Variants in ANK3 observed in about 807,000 individuals in gnomAD.
The protein encoded by ANK3 is ankyrin 3.
In ANK3, 57 loss-of-function variants were observed where a neutral mutation model predicts 370.9. That is an observed-to-expected ratio of 0.15 (90% CI 0.12 to 0.19). The LOEUF (loss-of-function observed/expected upper bound fraction) is 0.19, where lower values mean the gene tolerates loss of function less well. Ranked by LOEUF, ANK3 falls within the 10% of genes least tolerant of loss-of-function variation. The pLI, the probability that ANK3 is intolerant of heterozygous loss-of-function variation, is 1.00. For missense variants in ANK3, 4,439 were observed against 5,302.1 expected, an observed-to-expected ratio of 0.84 and a Z score of 5.06; for synonymous variants, 1,929 against 1,946.3, an observed-to-expected ratio of 0.99 and a Z score of 0.23.
At chr10:60,411,158 G>C (rs1231905067) in intron 2 of ANK3, among the ~76,000 whole-genome samples, 1 of 152,180 alleles carries the variant, frequency 6.6e-6, no homozygotes. Context: ...ACGTGAACCA[G>C]AAACAAACTT....
intron 7 of ANK3, among the ~76,000 whole-genome samples, chr10:60,248,846 T>C (rs979593920): frequency 1.3e-5 from 2 of 152,300 alleles, no homozygotes; most frequent in South Asian, 4.1e-4. Flanking sequence ...AGAAAATATA[T>C]CCTGATAGTG....
chr10:60,167,676 T>A (rs1436963657), intron 21 of ANK3, among the ~76,000 whole-genome samples: 1 of 152,152 alleles, frequency 6.6e-6, no homozygotes, highest in Non-Finnish European at 1.5e-5. Flanking sequence ...TGTTTTGTTT[T>A]GTTTTTTTAA....
rs191712702 is a variant in ANK3, at chr10:60,580,949, T to C, written c.96+34237A>G. 3.3e-3 allele frequency among the ~76,000 whole-genome samples: 508 copies of C among 152,324 alleles called. 3 individuals are homozygous for C. The highest frequency in any genetic ancestry group is 5.6e-3 in the Non-Finnish European group (381 of 68,028). ...GTCACATCTAGGTCCAGGCAAACTT[T>C]TATCGTCTTTGAAAATGCTATCCCC... On this transcript the variant is annotated intron_variant, in intron 2 of 43. Coordinates refer to the ANK3 transcript ENST00000373827.
At chr10:60,421,814 T>C (rs2063785103) in intron 2 of ANK3, among the ~76,000 whole-genome samples, 1 of 152,086 alleles carries the variant, frequency 6.6e-6, no homozygotes, top group African/African-American at 2.4e-5. Context: ...TCAGAATTGG[T>C]CATTACTGTA....
At chr10:60,365,065 TC>T (rs1367494680) in intron 1 of ANK3, among the ~76,000 whole-genome samples, 1 of 130,452 alleles carries the variant, frequency 7.7e-6, no homozygotes. Flanking sequence ...TTTGCCATTT[TC>T]CCTCATCTTG....
At chr10:60,049,714 G>A (rs753903546) in intron 42 of ANK3, among the ~76,000 whole-genome samples, 4 of 152,134 alleles carry the variant, frequency 2.6e-5, no homozygotes, top group Non-Finnish European at 5.9e-5. Flanking sequence ...CATATTTTAA[G>A]CTGAAAAACA....
chr10:60,703,248 A>G (rs2079568875), intron 1 of ANK3, among the ~76,000 whole-genome samples: 1 of 152,254 alleles, frequency 6.6e-6, no homozygotes, highest in African/African-American at 2.4e-5. Flanking sequence ...TTGAAAGTTT[A>G]GGTATGACTG....
At chr10:60,595,121 A>G (rs2077969180) in intron 2 of ANK3, among the ~76,000 whole-genome samples, 1 of 152,172 alleles carries the variant, frequency 6.6e-6, no homozygotes, top group East Asian at 1.9e-4. Context: ...TTTTTTAAAA[A>G]TTGATGAACA....
intron 1 of ANK3, among the ~76,000 whole-genome samples, chr10:60,323,156 G>A (rs72822282): frequency 0.043 from 6,484 of 152,244 alleles, 364 homozygotes; most frequent in African/African-American, 0.13. Context: ...GTATTAACAA[G>A]CCAGTTGATA....
At chr10:60,704,566 G>A (rs2079587969) in intron 1 of ANK3, among the ~76,000 whole-genome samples, 1 of 152,166 alleles carries the variant, frequency 6.6e-6, no homozygotes, top group Admixed American at 6.5e-5. Context: ...TAATGGGGGT[G>A]ACGTTAGAAA....
chr10:60,724,256 C>T (rs577531599), intron 1 of ANK3, among the ~76,000 whole-genome samples: 23 of 150,980 alleles, frequency 1.5e-4, no homozygotes, highest in African/African-American at 5.3e-4. Flanking sequence ...CTCTAGCGCC[C>T]CCAGAAGGAA....
chr10:60,358,899 T>A (rs2058189055), intron 1 of ANK3, among the ~76,000 whole-genome samples: 1 of 152,098 alleles, frequency 6.6e-6, no homozygotes, highest in Admixed American at 6.6e-5. Context: ...TCAAATGTCA[T>A]CTCTTCTGAG....
At chr10:60,272,102 T>A (rs1592831524) in intron 4 of ANK3, among the ~76,000 whole-genome samples, 2 of 73,906 alleles carry the variant, frequency 2.7e-5, no homozygotes, top group Admixed American at 1.4e-4. Context: ...TGTGTGTGTG[T>A]GTGTGTGTGT....
rs74843082 is a variant in ANK3, at chr10:60,701,464, G to A, written c.57+31799C>T. Among the ~76,000 whole-genome samples, 660 of 151,948 alleles carry A rather than the reference G, an allele frequency of 4.3e-3. 9 individuals are homozygous for A. The highest frequency in any genetic ancestry group is 0.015 in the African/African-American group (604 of 41,480). On this transcript the variant is annotated intron_variant, in intron 1 of 43. Coordinates refer to the ANK3 transcript ENST00000373827. ...GAAAAAAGAAAAAAAATGAAAAGAC[G>A]AGGCAATTCACAGCAGGACTATTTA...
chr10:60,558,150 C>T (rs367592845), intron 2 of ANK3, among the ~76,000 whole-genome samples: 1 of 152,224 alleles, frequency 6.6e-6, no homozygotes, highest in Non-Finnish European at 1.5e-5. Context: ...GAATTCAATA[C>T]CTTTTATAGA....
In ANK3 at chr10:60,198,947, G is replaced by C. The variant is rs1006856142; in HGVS notation, c.1492-410C>G. Among the ~76,000 whole-genome samples the C allele has an allele frequency of 2.0e-5, 3 of 152,150 alleles. No homozygotes were observed. In the East Asian group the frequency reaches 5.8e-4, roughly 29 times the overall value. On this transcript the variant is annotated intron_variant, in intron 13 of 43. Coordinates refer to ENST00000280772, the MANE Select transcript of ANK3 (RefSeq NM_020987.5). ...TCACATGGAATGAATTATTTTGTTG[G>C]TTCTGCCTTCCCATAGACAAAAGCA...
intron 2 of ANK3, among the ~76,000 whole-genome samples, chr10:60,497,156 C>T (rs1411948598): frequency 6.6e-6 from 1 of 151,966 alleles, no homozygotes; most frequent in African/African-American, 2.4e-5. Context: ...TTTAAAAAAT[C>T]AACCAGGTGT....
intron 2 of ANK3, among the ~76,000 whole-genome samples, chr10:60,487,621 A>G (rs2075382533): frequency 6.6e-6 from 1 of 152,158 alleles, no homozygotes; most frequent in Admixed American, 6.5e-5. Context: ...TCTGACTTGG[A>G]AAGTATACTT....
intron 4 of ANK3, 95 bp from the exon 5 acceptor site, chr10:60,270,324 A>G: frequency 1.6e-6 from 1 of 633,620 alleles, no homozygotes; most frequent in Non-Finnish European, 2.4e-6. Context: ...AAGTGCTCAC[A>G]TACAATAACT....
Sources: gnomAD v4.1 joint callset for allele counts (sites outside exome capture counted in the v4.1 genomes callset) on GRCh38, gnomAD v4.1.1 for gene constraint, MANE v1.5 for transcripts, NCBI Gene and HGNC (gene_info 2026-07-23, HGNC 2026-07-21) for gene names.